The following BABAM2 variants were observed in gnomAD, a reference collection of about 807,000 sequenced individuals.
The protein encoded by BABAM2 is BRISC and BRCA1-A complex member 2.
A neutral mutation model predicts 54.7 loss-of-function variants in BABAM2; 31 were observed. The ratio of observed to expected loss-of-function variants is 0.57; its 90% CI spans 0.43 to 0.77. The LOEUF is 0.77. Ranked by LOEUF, BABAM2 falls within the 30% of genes least tolerant of loss-of-function variation. The probability of loss-of-function intolerance (pLI) is 0.00; values close to 1 mark genes in which losing one functional copy is unlikely to be tolerated. For synonymous variants in BABAM2, 167 were observed against 162.9 expected, an observed-to-expected ratio of 1.03 and a Z score of -0.19; for missense variants, 364 against 455.8, an observed-to-expected ratio of 0.80 and a Z score of 1.83.
intron 6 of BABAM2, among the ~76,000 whole-genome samples, chr2:28,065,318 A>G (rs1218463034): frequency 6.6e-6 from 1 of 152,218 alleles, no homozygotes; most frequent in Non-Finnish European, 1.5e-5. Flanking sequence ...GAGTCTTCCT[A>G]TTCCTGATCC....
At chr2:28,053,199 C>T (rs1222287519) in intron 6 of BABAM2, among the ~76,000 whole-genome samples, 1 of 152,122 alleles carries the variant, frequency 6.6e-6, no homozygotes, top group African/African-American at 2.4e-5. Flanking sequence ...TTTCTCTAAA[C>T]CACAGATTAA....
intron 4 of BABAM2, among the ~76,000 whole-genome samples, chr2:28,004,063 A>G (rs1253289125): frequency 6.6e-6 from 1 of 152,026 alleles, no homozygotes; most frequent in East Asian, 1.9e-4. Flanking sequence ...TGGGCACATT[A>G]CAGAGGAAGA....
intron 5 of BABAM2, among the ~76,000 whole-genome samples, chr2:28,035,148 A>G (rs1676573512): frequency 6.6e-6 from 1 of 152,188 alleles, no homozygotes; most frequent in Admixed American, 6.5e-5. Flanking sequence ...ATGTATTATT[A>G]GCTTTTCACC....
chr2:28,199,183 G>C (rs761438966), intron 7 of BABAM2, among the ~76,000 whole-genome samples: 2 of 152,226 alleles, frequency 1.3e-5, no homozygotes. Context: ...TAGAAGTGCT[G>C]TGCCAGTTGG....
At chr2:28,096,589 A>G (rs998597742) in intron 6 of BABAM2, among the ~76,000 whole-genome samples, 2 of 152,052 alleles carry the variant, frequency 1.3e-5, no homozygotes, top group African/African-American at 4.8e-5. Flanking sequence ...CCATTTCCAT[A>G]TATCTGTGGT....
chr2:27,938,046 A>G (rs1209674885), intron 3 of BABAM2, among the ~76,000 whole-genome samples: 2 of 152,144 alleles, frequency 1.3e-5, no homozygotes, highest in East Asian at 3.8e-4. Context: ...TCCCAACACC[A>G]TTTATTGAAG....
intron 11 of BABAM2, among the ~76,000 whole-genome samples, chr2:28,320,032 G>A (rs1689896218): frequency 6.6e-6 from 1 of 152,122 alleles, no homozygotes; most frequent in African/African-American, 2.4e-5. Context: ...AACTCTGTGG[G>A]TGCTGCAGTG....
intron 6 of BABAM2, among the ~76,000 whole-genome samples, chr2:28,119,635 A>G (rs1558355287): frequency 1.3e-5 from 2 of 152,206 alleles, no homozygotes; most frequent in Non-Finnish European, 1.5e-5. Flanking sequence ...TATAACCAAT[A>G]TATTAAGGAT....
chr2:28,025,517 A>T, intron 5 of BABAM2, 97 bp downstream of exon 5: 2 of 1,211,866 alleles, frequency 1.7e-6, no homozygotes, highest in Non-Finnish European at 2.2e-6. Context: ...TTCTTTAGAT[A>T]AACATGGTCC....
chr2:28,233,209 A>T (rs1344929397), intron 7 of BABAM2: 1 of 471,478 alleles, frequency 2.1e-6, no homozygotes, highest in Non-Finnish European at 4.4e-6. Context: ...CACTCTGGGG[A>T]TCAGAAGTAT....
chr2:27,950,524 T>A (rs1312394760), intron 3 of BABAM2, among the ~76,000 whole-genome samples: 3 of 152,220 alleles, frequency 2.0e-5, no homozygotes, highest in Non-Finnish European at 4.4e-5. Context: ...TGTAGTGTCC[T>A]TTCTCTATAT....
chr2:27,961,093 A>ATT (rs796180311), intron 3 of BABAM2, among the ~76,000 whole-genome samples: 1 of 149,038 alleles, frequency 6.7e-6, no homozygotes, highest in Non-Finnish European at 1.5e-5. Flanking sequence ...GTGGTTGGTT[A>ATT]TTTTTTTTTT....
At chr2:28,225,146 A>G (rs1573879685) in intron 7 of BABAM2, among the ~76,000 whole-genome samples, 1 of 152,350 alleles carries the variant, frequency 6.6e-6, no homozygotes, top group South Asian at 2.1e-4. Flanking sequence ...CCCTGCTCTC[A>G]GCTGGTGCTG....
chr2:28,047,786 GT>G (rs1351787630), intron 6 of BABAM2, among the ~76,000 whole-genome samples: 2 of 152,090 alleles, frequency 1.3e-5, no homozygotes, highest in Admixed American at 1.3e-4. Flanking sequence ...GATCTTTAAA[GT>G]TCATGCAAAA....
chr2:28,122,017 A>G (rs923537997), intron 6 of BABAM2, among the ~76,000 whole-genome samples: 2 of 152,154 alleles, frequency 1.3e-5, no homozygotes, highest in Admixed American at 1.3e-4. Context: ...GATTGAGACC[A>G]TCCTGGCTAA....
chr2:28,217,692 A>G (rs1361300576), intron 7 of BABAM2, among the ~76,000 whole-genome samples: 1 of 152,180 alleles, frequency 6.6e-6, no homozygotes, highest in Non-Finnish European at 1.5e-5. Flanking sequence ...TTTATGTCAT[A>G]TCATGCCATA....
At chr2:28,034,291 G>A (rs1016654624) in intron 5 of BABAM2, among the ~76,000 whole-genome samples, 2 of 152,086 alleles carry the variant, frequency 1.3e-5, no homozygotes, top group African/African-American at 4.8e-5. Flanking sequence ...TGTGACTCTA[G>A]GTTTTTCCAT....
intron 7 of BABAM2, among the ~76,000 whole-genome samples, chr2:28,202,966 C>T (rs1447412347): frequency 6.6e-6 from 1 of 152,124 alleles, no homozygotes; most frequent in Non-Finnish European, 1.5e-5. Context: ...CTCCACCCCC[C>T]CACAGAAAGA....
chr2:28,209,744 C>T (rs979066235), intron 7 of BABAM2, among the ~76,000 whole-genome samples: 5 of 152,204 alleles, frequency 3.3e-5, no homozygotes, highest in Admixed American at 6.5e-5. Context: ...CAGTTAGTTT[C>T]CTGCCATTAG....
Sources: gnomAD v4.1 joint callset for allele counts (sites outside exome capture counted in the v4.1 genomes callset) on GRCh38, gnomAD v4.1.1 for gene constraint, MANE v1.5 for transcripts, NCBI Gene and HGNC (gene_info 2026-07-23, HGNC 2026-07-21) for gene names.